The following CSNK2A1 variants were observed in gnomAD, a reference collection of about 807,000 sequenced individuals.
The protein encoded by CSNK2A1 is casein kinase 2 alpha 1.
Under a neutral mutation model 62.9 loss-of-function variants are expected in CSNK2A1, and 10 were observed. That is an observed-to-expected ratio of 0.16 (90% confidence interval 0.10 to 0.27). The LOEUF is 0.27. Among genes scored for constraint, CSNK2A1 ranks in the 10% least tolerant of loss-of-function variants. CSNK2A1 has a pLI of 1.00. For synonymous variants in CSNK2A1, 124 were observed against 167.8 expected, an observed-to-expected ratio of 0.74 and a Z score of 2.02; for missense variants, 160 against 492.0, an observed-to-expected ratio of 0.33 and a Z score of 6.38.
rs150783443 is a variant in CSNK2A1 at position 509,085 on chromosome 20, T to C, written c.-109-425A>G. ...AAAGGTTCTAGAATGGCGGCAAAGCTAAGAGTACAACTTGCCATTCTGACT... is the reference window on the plus strand; with the variant it reads ...AAAGGTTCTAGAATGGCGGCAAAGCCAAGAGTACAACTTGCCATTCTGACT... On this transcript the variant is annotated intron_variant, in intron 2 of 13. Coordinates refer to ENST00000217244, the MANE Select transcript of CSNK2A1 (RefSeq NM_177559.3). 4.0e-3 allele frequency among the ~76,000 whole-genome samples: 612 copies of C among 152,320 alleles called. 4 individuals are homozygous for C. The highest frequency in any genetic ancestry group is 0.014 in the African/African-American group (598 of 41,552).
At chr20:516,528 T>A (rs1375242128) in intron 2 of CSNK2A1, among the ~76,000 whole-genome samples, 1 of 152,188 alleles carries the variant, frequency 6.6e-6, no homozygotes, top group African/African-American at 2.4e-5. Flanking sequence ...GCCAAAATCA[T>A]AAGTTTACTG....
chr20:514,582 T>C (rs2018791092), intron 2 of CSNK2A1, among the ~76,000 whole-genome samples: 1 of 151,800 alleles, frequency 6.6e-6, no homozygotes, highest in Non-Finnish European at 1.5e-5. Flanking sequence ...GTTGGGACTA[T>C]AGCTATGCGC....
chr20:478,534 ACT>A lies in CSNK2A1; in HGVS notation c.*5425_*5426del, dbSNP rs962598489. 1.1e-5 allele frequency: 3 copies of A among 273,434 alleles called. No homozygotes were observed. Among genetic ancestry groups the A allele is most frequent in the Non-Finnish European group, 2.2e-5 (3 of 136,586 alleles). 16.9% of individuals were successfully genotyped at this position (273,434 alleles called of 1,614,324 possible). A position where few individuals can be genotyped will look rare whatever the true frequency, so the allele number is the denominator to read the frequency against. The stretch of plus-strand genomic sequence containing the variant: ...GCAAGAGTGAAGCTGACTCAGAAAT[ACT>A]CAATCCCCCCAGGAACTTCTCTAAG... On this transcript the variant is annotated 3_prime_UTR_variant, in exon 14 of 14. Coordinates refer to ENST00000217244, the MANE Select transcript of CSNK2A1 (RefSeq NM_177559.3).
chr20:500,286 A>T, intron 4 of CSNK2A1: 1 of 217,358 alleles, frequency 4.6e-6, no homozygotes, highest in Non-Finnish European at 9.3e-6. Context: ...GTAATACTAA[A>T]GTATATCAAA....
At position 499,450 on chromosome 20, in the gene CSNK2A1, C is replaced by A; in HGVS notation, c.316-145G>T. The A allele has an allele frequency of 1.6e-6, 1 of 644,258 alleles. No individual in the cohort carries two copies. Among genetic ancestry groups the A allele is most frequent in the Admixed American group, 3.1e-5 (1 of 31,794 alleles). 39.9% of individuals were successfully genotyped at this position (644,258 alleles called of 1,614,324 possible). A position where few individuals can be genotyped will look rare whatever the true frequency, so the allele number is the denominator to read the frequency against. On this transcript the variant is annotated intron_variant, in intron 5 of 13. Coordinates refer to ENST00000217244, the MANE Select transcript of CSNK2A1 (RefSeq NM_177559.3). The surrounding 1 kb of genome is among the most constrained non-coding windows in gnomAD (Gnocchi z 4.2). ...AACCCTCTATTGCTACAAGCCCTCC[C>A]CGCTCTGATCATCACCGCACTTAGG...
intron 1 of CSNK2A1, among the ~76,000 whole-genome samples, chr20:529,190 ATTTTTTT>A (rs34902417): frequency 1.5e-5 from 2 of 137,124 alleles, no homozygotes; most frequent in South Asian, 2.3e-4. Flanking sequence ...ACTCCTGGCT[ATTTTTTT>A]TTTTTTTTTG....
chr20:506,054 T>A (rs1400461515), intron 3 of CSNK2A1: 1 of 151,812 alleles, frequency 6.6e-6, no homozygotes, highest in Non-Finnish European at 1.5e-5. Context: ...TTTTTTGTAT[T>A]TTTAGTAAAG....
At chr20:514,590 C>T (rs1267082898) in intron 2 of CSNK2A1, among the ~76,000 whole-genome samples, 1 of 151,692 alleles carries the variant, frequency 6.6e-6, no homozygotes, top group Non-Finnish European at 1.5e-5. Flanking sequence ...TATAGCTATG[C>T]GCCATCAGGC....
intron 4 of CSNK2A1, chr20:500,727 C>G (rs922356296): frequency 6.6e-6 from 1 of 151,214 alleles, no homozygotes; most frequent in African/African-American, 2.4e-5. Context: ...CAACCTCCGC[C>G]TCCTGGGTTC....
chr20:518,415 A>G (rs751239636), intron 2 of CSNK2A1, among the ~76,000 whole-genome samples: 3 of 152,340 alleles, frequency 2.0e-5, no homozygotes, highest in Non-Finnish European at 4.4e-5. Context: ...AGGGAATATC[A>G]TATCTTAAGC....
In CSNK2A1 at chr20:543,762, C is replaced by A. The variant is rs988738328; in HGVS notation, c.-317G>T. The A allele has an allele frequency of 7.5e-6, 3 of 398,342 alleles. No homozygotes were observed. The highest frequency in any genetic ancestry group is 1.3e-5 in the Non-Finnish European group (3 of 225,990). The allele number at this position is 398,342 out of a possible 1,614,324, so 24.7% of individuals were successfully genotyped here. ...ATGGAGGAGGAGACACACGGCTCGG[C>A]CGCCAGCCGCAGGGACCAGAGCGAG... On this transcript the variant is annotated 5_prime_UTR_variant, in exon 1 of 14. Coordinates refer to ENST00000217244, the MANE Select transcript of CSNK2A1 (RefSeq NM_177559.3).
At chr20:508,909 T>G (rs1025542509) in intron 2 of CSNK2A1, among the ~76,000 whole-genome samples, 1 of 152,194 alleles carries the variant, frequency 6.6e-6, no homozygotes, top group Non-Finnish European at 1.5e-5. Flanking sequence ...CAGGCAAAAT[T>G]TGAATGATTT....
At chr20:537,294 T>C (rs887084043) in intron 1 of CSNK2A1, among the ~76,000 whole-genome samples, 1 of 152,204 alleles carries the variant, frequency 6.6e-6, no homozygotes, top group African/African-American at 2.4e-5. Context: ...ATATTTTCTA[T>C]GCAAGAAAAC....
intron 10 of CSNK2A1, 87 bp from the exon 11 acceptor site, chr20:488,865 G>T: frequency 1.6e-6 from 2 of 1,223,036 alleles, no homozygotes; most frequent in South Asian, 2.7e-5. Context: ...TTACATAAAC[G>T]GGTCATCATG....
In CSNK2A1 at chr20:480,991, T is replaced by C. The variant is rs2017945482; in HGVS notation, c.*2970A>G. 5 of 152,334 alleles carry C rather than the reference T, an allele frequency of 3.3e-5. No individual in the cohort carries two copies. The highest frequency in any genetic ancestry group is 3.3e-4 in the Admixed American group (5 of 15,298). 9.4% of individuals were successfully genotyped at this position (152,334 alleles called of 1,614,324 possible). A position where few individuals can be genotyped will look rare whatever the true frequency, so the allele number is the denominator to read the frequency against. ...CCCACTCTAACAATTTAATCTATCT[T>C]ATGTAAGCTGGACAGGCATTTCAAG... On this transcript the variant is annotated 3_prime_UTR_variant, in exon 14 of 14. Coordinates refer to ENST00000217244, the MANE Select transcript of CSNK2A1 (RefSeq NM_177559.3).
At chr20:511,792 A>G (rs1362263234) in intron 2 of CSNK2A1, among the ~76,000 whole-genome samples, 1 of 152,052 alleles carries the variant, frequency 6.6e-6, no homozygotes, top group Non-Finnish European at 1.5e-5. Context: ...CAGCTTGGCT[A>G]TTGTAAATAA....
At chr20:543,548 G>C (rs2019500028) in intron 1 of CSNK2A1, 124 bp downstream of exon 1, 1 of 396,232 alleles carries the variant, frequency 2.5e-6, no homozygotes, top group African/African-American at 2.1e-5. Flanking sequence ...GTGAAGGTGG[G>C]GGCAGGGGAA....
chr20:499,474 G>A lies in CSNK2A1; in HGVS notation c.316-169C>T. 1.7e-6 allele frequency: 1 copy of A among 571,450 alleles called. No individual in the cohort carries two copies. The highest frequency in any genetic ancestry group is 3.0e-6 in the Non-Finnish European group (1 of 334,510). The allele number at this position is 571,450 out of a possible 1,614,324, so 35.4% of individuals were successfully genotyped here. ...CCCGCTCTGATCATCACCGCACTTA[G>A]GTCATTTTTGGGATGGATTTCAAAC... On this transcript the variant is annotated intron_variant, in intron 5 of 13. Transcript: ENST00000217244. This position sits in a 1 kb window ranked among gnomAD's most constrained non-coding sequence, Gnocchi z 4.2.
At chr20:501,922 A>AGG (rs967042899) in intron 4 of CSNK2A1, 1 of 152,222 alleles carries the variant, frequency 6.6e-6, no homozygotes, top group Non-Finnish European at 1.5e-5. Flanking sequence ...CTGATGATCC[A>AGG]GGTCCAGAAA....
Sources: gnomAD v4.1 joint callset for allele counts (sites outside exome capture counted in the v4.1 genomes callset) on GRCh38, gnomAD v4.1.1 for gene constraint, Gnocchi (gnomAD v3.1) non-coding constraint, MANE v1.5 for transcripts, NCBI Gene and HGNC (gene_info 2026-07-23, HGNC 2026-07-21) for gene names.